PSMA8: variants seen among roughly 807,000 people sequenced by gnomAD.
PSMA8 encodes the protein proteasome subunit alpha-type 8.
PSMA8 carries 18 observed loss-of-function variants against 32.4 expected under a neutral mutation model. That is an observed-to-expected ratio of 0.56 (90% CI 0.38 to 0.82). The LOEUF (loss-of-function observed/expected upper bound fraction) is 0.82, where lower values mean the gene tolerates loss of function less well. PSMA8 is among the 40% of genes least tolerant of loss of function. PSMA8 has a pLI of 0.00. For synonymous variants in PSMA8, 104 were observed against 98.1 expected (o/e 1.06, Z -0.36); for missense variants, 298 against 300.7 (o/e 0.99, Z 0.07).
At chr18:26,134,116 C>A in intron 1 of PSMA8, 49 bp downstream of exon 1, 1 of 1,345,130 alleles carries the variant, frequency 7.4e-7, no homozygotes, top group Non-Finnish European at 1.1e-6. Context: ...ACCTGTCAGG[C>A]CATCGTTACC....
At chr18:26,138,317 T>TA (rs2054928585) in intron 1 of PSMA8, among the ~76,000 whole-genome samples, 1 of 152,222 alleles carries the variant, frequency 6.6e-6, no homozygotes, top group Non-Finnish European at 1.5e-5. Flanking sequence ...AGTTCACCCT[T>TA]AGCAACTCTT....
chr18:26,185,003 G>A lies in PSMA8; in HGVS notation c.660+5873G>A, dbSNP rs138738962. Among the ~76,000 whole-genome samples, 628 of 145,562 alleles carry A rather than the reference G, an allele frequency of 4.3e-3. 26 individuals carry two copies. Among genetic ancestry groups the A allele is most frequent in the African/African-American group, 0.012 (470 of 38,822 alleles). ...TTCAGGGGGCTGAGGCAGGAGAATCGCTTGAACCGGGAGACAGAGGTTACA... is the reference window on the plus strand; with the variant it reads ...TTCAGGGGGCTGAGGCAGGAGAATCACTTGAACCGGGAGACAGAGGTTACA... On this transcript the variant is annotated intron_variant, in intron 6 of 6. Coordinates refer to ENST00000415576, the MANE Select transcript of PSMA8 (RefSeq NM_001025096.2).
intron 6 of PSMA8, among the ~76,000 whole-genome samples, chr18:26,189,835 G>C (rs2055387239): frequency 6.6e-6 from 1 of 152,170 alleles, no homozygotes; most frequent in African/African-American, 2.4e-5. Context: ...TGAAGAAATA[G>C]CTGCACTCCC....
At chr18:26,138,688 C>CAGTT (rs2054931453) in intron 1 of PSMA8, among the ~76,000 whole-genome samples, 2 of 152,120 alleles carry the variant, frequency 1.3e-5, no homozygotes, top group South Asian at 4.1e-4. Flanking sequence ...ACAGGGAGAC[C>CAGTT]AGTTAGTATT....
chr18:26,142,037 A>AT (rs71169819), intron 1 of PSMA8, among the ~76,000 whole-genome samples: 17,148 of 117,450 alleles, frequency 0.15, 3,016 homozygotes, highest in African/African-American at 0.39. Context: ...AATAATGCTA[A>AT]TTTTTTTTTT....
rs560245107 is a variant in PSMA8 at position 26,158,190 on chromosome 18, T to C, written c.423T>C (p.Asp141=). ...ISALIVGFDD[D]GISRLYQTDP... ...CCTTAATTGTAGGTTTTGATGATGA[T>C]GGTATCTCAAGATTGTATCAGACAG... is the stretch of plus-strand genomic sequence containing the variant. Residue 141 remains aspartate (D), a synonymous_variant, in exon 4 of 7, where the codon GAT becomes GAC. Transcript: ENST00000415576. The C allele has an allele frequency of 3.7e-6, 6 of 1,608,254 alleles. No homozygotes were observed. In the East Asian group the frequency reaches 9.0e-5, roughly 24 times the overall value.
intron 4 of PSMA8, 40 bp from the exon 5 acceptor site, chr18:26,178,790 T>G (rs886898372): frequency 6.4e-7 from 1 of 1,573,966 alleles, no homozygotes; most frequent in Non-Finnish European, 8.7e-7. Context: ...AATTCATTCC[T>G]ACTGCAATGA....
intron 6 of PSMA8, among the ~76,000 whole-genome samples, chr18:26,182,854 G>A (rs1225139502): frequency 2.0e-5 from 3 of 152,156 alleles, no homozygotes; most frequent in Non-Finnish European, 4.4e-5. Context: ...ACTTTGGGAG[G>A]CCGGAGGCAG....
intron 4 of PSMA8, among the ~76,000 whole-genome samples, chr18:26,160,815 T>G (rs1010687161): frequency 6.6e-6 from 1 of 152,240 alleles, no homozygotes; most frequent in Non-Finnish European, 1.5e-5. Flanking sequence ...ACCAGCAGTT[T>G]GGTTTTTTGA....
At chr18:26,157,798 A>G (rs1206540558) in intron 3 of PSMA8, among the ~76,000 whole-genome samples, 2 of 152,208 alleles carry the variant, frequency 1.3e-5, no homozygotes, top group South Asian at 2.1e-4. Context: ...CAACTTTACT[A>G]AGAACCAAAA....
chr18:26,164,876 G>A (rs2055165202), intron 4 of PSMA8, among the ~76,000 whole-genome samples: 1 of 151,932 alleles, frequency 6.6e-6, no homozygotes, highest in African/African-American at 2.4e-5. Flanking sequence ...TTTTTGTTGA[G>A]GGGGGAGGGT....
At chr18:26,136,810 G>A (rs2054915143) in intron 1 of PSMA8, among the ~76,000 whole-genome samples, 1 of 152,122 alleles carries the variant, frequency 6.6e-6, no homozygotes, top group Admixed American at 6.5e-5. Flanking sequence ...TACAGTAGAG[G>A]GGCTAGGAAG....
intron 6 of PSMA8, among the ~76,000 whole-genome samples, chr18:26,191,790 T>C (rs942414842): frequency 8.5e-5 from 13 of 152,154 alleles, no homozygotes; most frequent in African/African-American, 2.9e-4. Context: ...GCATGTAACC[T>C]TGGATCTACT....
intron 4 of PSMA8, among the ~76,000 whole-genome samples, chr18:26,166,769 T>G (rs2055183652): frequency 6.6e-6 from 1 of 152,196 alleles, no homozygotes; most frequent in Non-Finnish European, 1.5e-5. Flanking sequence ...AAACTGAGCC[T>G]GTTACTTTAA....
chr18:26,147,747 A>G (rs2055015511), intron 2 of PSMA8, among the ~76,000 whole-genome samples: 1 of 152,152 alleles, frequency 6.6e-6, no homozygotes, highest in Non-Finnish European at 1.5e-5. Flanking sequence ...TAGAAAAACA[A>G]AAGAGAAAAA....
intron 6 of PSMA8, among the ~76,000 whole-genome samples, chr18:26,179,663 A>AT (rs1259590132): frequency 1.3e-5 from 2 of 152,194 alleles, no homozygotes; most frequent in Admixed American, 1.3e-4. Context: ...AGAGCATTTG[A>AT]AATGTAGTTC....
chr18:26,151,888 A>G lies in PSMA8; in HGVS notation c.260A>G (p.Asn87Ser). The G allele has an allele frequency of 6.2e-7, 1 of 1,610,716 alleles. No individual in the cohort carries two copies. The highest frequency in any genetic ancestry group is 8.5e-7 in the Non-Finnish European group (1 of 1,178,560). Reference protein sequence around the residue: ...GLTADARVVINRARVECQSHK... With the variant: ...GLTADARVVISRARVECQSHK... ...ACTGCTGATGCTAGAGTAGTAATAA[A>G]CAGAGCCCGTGTGGAGTGCCAGAGC... is the stretch of plus-strand genomic sequence containing the variant. Residue 87 changes from asparagine to serine, a missense_variant, in exon 3 of 7, where the codon AAC becomes AGC. Coordinates refer to ENST00000415576, the MANE Select transcript of PSMA8 (RefSeq NM_001025096.2).
Position 26,134,034 on chromosome 18 carries a change from T to C in PSMA8, c.69T>C (p.Tyr23=), listed in dbSNP as rs767851351. ...SPDGHLFQVE[Y]AQEAVKKGST... is the part of the protein sequence containing the mutation. The stretch of plus-strand genomic sequence containing the variant: ...ACGGACACCTTTTTCAAGTTGAATA[T>C]GCCCAGGAAGCGGTGAAGAAAGGAT... The change falls in exon 1 of 7, where the codon TAT becomes TAC. Residue 23 remains tyrosine, a synonymous_variant. Coordinates refer to ENST00000415576, the MANE Select transcript of PSMA8 (RefSeq NM_001025096.2). 6.2e-7 allele frequency: 1 copy of C among 1,614,036 alleles called. No homozygotes were observed. The highest frequency in any genetic ancestry group is 1.1e-5 in the South Asian group (1 of 91,074).
intron 1 of PSMA8, among the ~76,000 whole-genome samples, chr18:26,134,813 G>A (rs2054898390): frequency 6.6e-6 from 1 of 152,108 alleles, no homozygotes; most frequent in Non-Finnish European, 1.5e-5. Context: ...AATTAGCCAG[G>A]CGTGGTGGCG....
Sources: allele counts gnomAD v4.1 joint callset (sites outside exome capture counted in the v4.1 genomes callset), GRCh38; gene constraint gnomAD v4.1.1; transcripts MANE v1.5; gene names NCBI Gene and HGNC (gene_info 2026-07-23, HGNC 2026-07-21).